Variants in THSD7B observed in about 807,000 individuals in gnomAD.
THSD7B encodes the protein thrombospondin type 1 domain containing 7B, also known as thrombospondin type-1 domain-containing protein 7B.
In THSD7B, 138 loss-of-function variants were observed where a neutral mutation model predicts 213.6. The ratio of observed to expected loss-of-function variants is 0.65; its 90% CI spans 0.56 to 0.74. The LOEUF is 0.74. Among genes scored for constraint, THSD7B ranks in the 30% least tolerant of loss-of-function variants. The pLI is 0.00. For synonymous variants in THSD7B, 742 were observed against 687.0 expected, an observed-to-expected ratio of 1.08 and a Z score of -1.25; for missense variants, 1,931 against 1,991.5, an observed-to-expected ratio of 0.97 and a Z score of 0.58.
intron 2 of THSD7B, among the ~76,000 whole-genome samples, chr2:136,996,298 T>TCTCTCC (rs1200378182): frequency 2.0e-5 from 3 of 151,962 alleles, no homozygotes; most frequent in Admixed American, 2.0e-4. Flanking sequence ...CTGGTCTCTC[T>TCTCTCC]CTCTGTCCCT....
chr2:136,806,866 T>G (rs2104926800), intron 1 of THSD7B, among the ~76,000 whole-genome samples: 1 of 152,328 alleles, frequency 6.6e-6, no homozygotes, highest in East Asian at 1.9e-4. Context: ...TTGCTCAGAT[T>G]GTCTTTGTTT....
intron 7 of THSD7B, among the ~76,000 whole-genome samples, chr2:137,220,305 A>G (rs926566473): frequency 6.6e-6 from 1 of 152,172 alleles, no homozygotes; most frequent in African/African-American, 2.4e-5. Context: ...ATTTCTTTCT[A>G]GAATGTATAA....
chr2:136,962,233 G>T (rs1246334976), intron 2 of THSD7B, among the ~76,000 whole-genome samples: 1 of 152,114 alleles, frequency 6.6e-6, no homozygotes, highest in Admixed American at 6.5e-5. Context: ...CCTCAAGCTT[G>T]CAGAAGGAAC....
At chr2:136,885,585 A>G (rs1399498515) in intron 2 of THSD7B, among the ~76,000 whole-genome samples, 2 of 152,196 alleles carry the variant, frequency 1.3e-5, no homozygotes, top group African/African-American at 4.8e-5. Flanking sequence ...AAGTTTCAAT[A>G]TAAAACTATT....
chr2:136,781,908 T>C (rs942632010), intron 1 of THSD7B, among the ~76,000 whole-genome samples: 3 of 152,160 alleles, frequency 2.0e-5, no homozygotes, highest in Non-Finnish European at 4.4e-5. Flanking sequence ...GATTAACATG[T>C]GACATATACA....
intron 2 of THSD7B, among the ~76,000 whole-genome samples, chr2:136,895,101 T>C (rs559319771): frequency 2.4e-4 from 36 of 152,250 alleles, no homozygotes; most frequent in African/African-American, 7.9e-4. Flanking sequence ...AAAGCCAGAG[T>C]GTAGGTGGGA....
At position 137,147,938 on chromosome 2, in the gene THSD7B, G is replaced by A. The variant is rs1335065113; in HGVS notation, c.1370-12275G>A. On this transcript the variant is annotated intron_variant, in intron 5 of 27. Coordinates refer to ENST00000409968, the MANE Select transcript of THSD7B (RefSeq NM_001316349.2). ...TACTGACATTTTACTGTCACCTCTGGCCTTTCTTAATTGATAAGAAGAAAG... is the reference window on the plus strand; with the variant it reads ...TACTGACATTTTACTGTCACCTCTGACCTTTCTTAATTGATAAGAAGAAAG... Among the ~76,000 whole-genome samples the A allele has an allele frequency of 2.0e-5, 3 of 151,836 alleles. No individual in the cohort carries two copies. In the South Asian group the frequency reaches 6.2e-4, roughly 32 times the overall value.
chr2:136,822,204 G>T (rs1018824190), intron 1 of THSD7B, among the ~76,000 whole-genome samples: 2 of 152,172 alleles, frequency 1.3e-5, no homozygotes, highest in African/African-American at 4.8e-5. Flanking sequence ...TTGGTGAATT[G>T]ATTGCTCAGA....
chr2:136,893,019 T>C (rs1683891688), intron 2 of THSD7B, among the ~76,000 whole-genome samples: 1 of 152,194 alleles, frequency 6.6e-6, no homozygotes, highest in Non-Finnish European at 1.5e-5. Flanking sequence ...TTAACTGTTA[T>C]TTCAGTGGAG....
At chr2:137,010,526 C>G (rs900658363) in intron 2 of THSD7B, among the ~76,000 whole-genome samples, 2 of 152,148 alleles carry the variant, frequency 1.3e-5, no homozygotes, top group African/African-American at 4.8e-5. Context: ...TTGTAGTTAT[C>G]GTTTCCATTT....
At chr2:137,585,869 G>T (rs1681713193) in intron 17 of THSD7B, among the ~76,000 whole-genome samples, 2 of 152,166 alleles carry the variant, frequency 1.3e-5, no homozygotes, top group African/African-American at 4.8e-5. Context: ...TTGGTGCAGA[G>T]CTGAGTTCAA....
At chr2:137,557,426 C>T (rs543247673) in intron 15 of THSD7B, among the ~76,000 whole-genome samples, 1 of 152,220 alleles carries the variant, frequency 6.6e-6, no homozygotes, top group Admixed American at 6.5e-5. Flanking sequence ...ACTGAACAAC[C>T]TGTTCCTGGA....
rs538458280 is a variant in THSD7B at position 137,460,303 on chromosome 2, A to G, written c.3138+9280A>G. Among the ~76,000 whole-genome samples, 13 of 152,268 alleles carry G rather than the reference A, an allele frequency of 8.5e-5. No homozygotes were observed. In the South Asian group the frequency reaches 1.0e-3, roughly 12 times the overall value. On this transcript the variant is annotated intron_variant, in intron 15 of 27. Transcript: ENST00000409968. ...CTCATAAGCTTATTATGATTATTAA[A>G]TAAGCTGAAGTGAATATAAACTTCT...
In THSD7B at chr2:137,107,612, G is replaced by A. The variant is rs962073801; in HGVS notation, c.1200-7512G>A. 9.9e-5 allele frequency among the ~76,000 whole-genome samples: 15 copies of A among 152,278 alleles called. 1 individual carries two copies. Among genetic ancestry groups the A allele is most frequent in the Admixed American group, 2.6e-4 (4 of 15,294 alleles). ...TAGAAAAGAAACAATAGATTTCAAAGAATCTGGAATTGTTTCAATAGAAGA... is the reference window on the plus strand; with the variant it reads ...TAGAAAAGAAACAATAGATTTCAAAAAATCTGGAATTGTTTCAATAGAAGA... On this transcript the variant is annotated intron_variant, in intron 4 of 27. Coordinates refer to ENST00000409968, the MANE Select transcript of THSD7B (RefSeq NM_001316349.2).
At chr2:137,670,676 C>T (rs1166749377) in intron 27 of THSD7B, among the ~76,000 whole-genome samples, 1 of 152,082 alleles carries the variant, frequency 6.6e-6, no homozygotes, top group Admixed American at 6.5e-5. Flanking sequence ...AATCCCAGCA[C>T]TTTGGGAGGC....
chr2:137,512,382 C>CTTTTTTTTTTTT lies in THSD7B; in HGVS notation c.3139-50823_3139-50812dup, dbSNP rs70978233. 3.7e-5 allele frequency among the ~76,000 whole-genome samples: 3 copies of CTTTTTTTTTTTT among 81,380 alleles called. 1 individual carries two copies. The highest frequency in any genetic ancestry group is 1.3e-4 in the African/African-American group (2 of 15,962). The allele number at this position is 81,380 out of a possible 152,430, so 53.4% of individuals were successfully genotyped here. Reference sequence around the variant, plus strand: ...AATGATTATTAGTTACATTTATTTCCTTTTTTTTTTTTTTTTTTTTTTTTT... The same window carrying CTTTTTTTTTTTT: ...AATGATTATTAGTTACATTTATTTCCTTTTTTTTTTTTTTTTTTTTTTTTTTTTTTTTTTTTT... On this transcript the variant is annotated intron_variant, in intron 15 of 27. Transcript: ENST00000409968.
intron 4 of THSD7B, among the ~76,000 whole-genome samples, chr2:137,110,540 A>G (rs1395366385): frequency 1.3e-5 from 2 of 152,226 alleles, no homozygotes; most frequent in African/African-American, 2.4e-5. Context: ...CACTCAAAGT[A>G]GGGACATCAG....
intron 12 of THSD7B, among the ~76,000 whole-genome samples, chr2:137,380,592 G>A (rs1285263221): frequency 6.6e-6 from 1 of 152,226 alleles, no homozygotes; most frequent in African/African-American, 2.4e-5. Flanking sequence ...GAAGAGGGAG[G>A]AAGGGGTTAT....
chr2:137,062,558 G>A (rs1314877118), intron 3 of THSD7B, among the ~76,000 whole-genome samples: 3 of 151,490 alleles, frequency 2.0e-5, no homozygotes, highest in Non-Finnish European at 4.4e-5. Context: ...TTTCTCTTGA[G>A]ATTTTCTTGA....
Sources: gnomAD v4.1 joint callset for allele counts (sites outside exome capture counted in the v4.1 genomes callset) on GRCh38, gnomAD v4.1.1 for gene constraint, MANE v1.5 for transcripts, NCBI Gene and HGNC (gene_info 2026-07-23, HGNC 2026-07-21) for gene names.